SLC25A26: variants seen among roughly 807,000 people sequenced by gnomAD.
SLC25A26 encodes the protein solute carrier family 25 member 26, also known as mitochondrial S-adenosylmethionine carrier protein.
SLC25A26 carries 36 observed loss-of-function variants against 37.8 expected under a neutral mutation model. The ratio of observed to expected loss-of-function variants is 0.95; its 90% confidence interval spans 0.73 to 1.26. The LOEUF (loss-of-function observed/expected upper bound fraction) is 1.26, where lower values mean the gene tolerates loss of function less well. SLC25A26 is among the 50% of genes most tolerant of loss of function. SLC25A26 has a pLI of 0.00. For synonymous variants in SLC25A26, 129 were observed against 122.5 expected, an observed-to-expected ratio of 1.05 and a Z score of -0.35; for missense variants, 390 against 331.1, an observed-to-expected ratio of 1.18 and a Z score of -1.38.
At chr3:66,192,055 G>A (rs971699534) in intron 1 of SLC25A26, among the ~76,000 whole-genome samples, 70 of 152,106 alleles carry the variant, frequency 4.6e-4, no homozygotes, top group East Asian at 4.1e-3. Context: ...AATGGCTCAC[G>A]CCTGTAATCC....
chr3:66,265,542 A>G (rs1303917885), intron 5 of SLC25A26, among the ~76,000 whole-genome samples: 1 of 152,242 alleles, frequency 6.6e-6, no homozygotes, highest in African/African-American at 2.4e-5. Context: ...ATACTGAAAC[A>G]TAATAGTTAA....
Position 66,377,911 on chromosome 3 carries a change from C to T in SLC25A26, c.*104C>T. The T allele has an allele frequency of 5.8e-6, 5 of 861,118 alleles. No homozygotes were observed. The highest frequency in any genetic ancestry group is 7.6e-6 in the Non-Finnish European group (4 of 527,828). The allele number at this position is 861,118 out of a possible 1,614,324, so 53.3% of individuals were successfully genotyped here. ...GAACTATAGGCCCCAGTGCTGAAGA[C>T]CAGTTGTGCTAAGATACCGGCATGG... On this transcript the variant is annotated 3_prime_UTR_variant, in exon 10 of 10. Coordinates refer to ENST00000354883, the MANE Select transcript of SLC25A26 (RefSeq NM_001379210.1).
chr3:66,280,727 CGT>C (rs1388104816), intron 5 of SLC25A26, among the ~76,000 whole-genome samples: 1 of 151,936 alleles, frequency 6.6e-6, no homozygotes, highest in East Asian at 1.9e-4. Flanking sequence ...AAAGGTAAAA[CGT>C]GTATTTTTTT....
intron 1 of SLC25A26, among the ~76,000 whole-genome samples, chr3:66,151,497 CTA>C (rs2070208035): frequency 6.6e-6 from 1 of 152,196 alleles, no homozygotes; most frequent in African/African-American, 2.4e-5. Context: ...AAAAATAACT[CTA>C]ACTTGGCTTG....
intron 5 of SLC25A26, among the ~76,000 whole-genome samples, chr3:66,291,339 C>T (rs1385059334): frequency 1.3e-5 from 2 of 151,924 alleles, no homozygotes; most frequent in Non-Finnish European, 2.9e-5. Flanking sequence ...TATTTCTTGT[C>T]TTCTGCTAGC....
chr3:66,174,383 G>T (rs2070543905), intron 1 of SLC25A26, among the ~76,000 whole-genome samples: 1 of 152,162 alleles, frequency 6.6e-6, no homozygotes. Flanking sequence ...TTACTCATTT[G>T]ACAAGGCTCT....
chr3:66,354,286 A>T (rs2076525942), intron 6 of SLC25A26, among the ~76,000 whole-genome samples: 1 of 152,154 alleles, frequency 6.6e-6, no homozygotes, highest in South Asian at 2.1e-4. Context: ...CAATAGCTAG[A>T]TGAGATGTAA....
chr3:66,338,400 C>G (rs1255647915), intron 5 of SLC25A26, among the ~76,000 whole-genome samples: 1 of 151,934 alleles, frequency 6.6e-6, no homozygotes, highest in African/African-American at 2.4e-5. Flanking sequence ...TTCCCACTAG[C>G]AAAGTATGAA....
intron 1 of SLC25A26, among the ~76,000 whole-genome samples, chr3:66,177,231 T>C (rs1177053142): frequency 4.6e-5 from 7 of 152,238 alleles, no homozygotes; most frequent in Non-Finnish European, 1.0e-4. Flanking sequence ...AGCTGACATG[T>C]TCTCTGCCCT....
chr3:66,342,507 T>C (rs2076232202), intron 5 of SLC25A26, among the ~76,000 whole-genome samples: 1 of 152,244 alleles, frequency 6.6e-6, no homozygotes, highest in Non-Finnish European at 1.5e-5. Context: ...TCTTCAGTTG[T>C]ATTCTAAATC....
intron 5 of SLC25A26, among the ~76,000 whole-genome samples, chr3:66,309,453 T>C (rs1442138853): frequency 2.0e-5 from 3 of 151,542 alleles, no homozygotes; most frequent in Non-Finnish European, 4.4e-5. Flanking sequence ...AAAAACCAGC[T>C]CCTGGATTCA....
chr3:66,356,259 G>T (rs1002394050), intron 6 of SLC25A26, among the ~76,000 whole-genome samples: 1 of 152,150 alleles, frequency 6.6e-6, no homozygotes, highest in Admixed American at 6.5e-5. Context: ...TCATAGTATT[G>T]TGCCTGGTGT....
At chr3:66,351,187 C>T (rs1055066746) in intron 6 of SLC25A26, among the ~76,000 whole-genome samples, 3 of 152,126 alleles carry the variant, frequency 2.0e-5, no homozygotes, top group African/African-American at 7.2e-5. Flanking sequence ...GCACCCAACT[C>T]GTTGATAACT....
At chr3:66,170,495 G>T (rs1371973142) in intron 1 of SLC25A26, among the ~76,000 whole-genome samples, 4 of 152,132 alleles carry the variant, frequency 2.6e-5, no homozygotes, top group African/African-American at 9.7e-5. Flanking sequence ...AGAGCGCATG[G>T]TACTATATGC....
At chr3:66,274,916 A>G (rs1211046025) in intron 5 of SLC25A26, among the ~76,000 whole-genome samples, 4 of 152,108 alleles carry the variant, frequency 2.6e-5, no homozygotes, top group African/African-American at 7.2e-5. Context: ...TACCCAAAGG[A>G]CTATAAATCA....
intron 6 of SLC25A26, among the ~76,000 whole-genome samples, chr3:66,348,173 A>G (rs1292699458): frequency 6.6e-6 from 1 of 152,210 alleles, no homozygotes; most frequent in African/African-American, 2.4e-5. Flanking sequence ...AAAAGCCTAC[A>G]TTCAAAACAT....
At chr3:66,187,507 C>T (rs1346811560) in intron 1 of SLC25A26, among the ~76,000 whole-genome samples, 1 of 152,026 alleles carries the variant, frequency 6.6e-6, no homozygotes, top group Non-Finnish European at 1.5e-5. Flanking sequence ...GATAGTGACT[C>T]ACACAAAGAC....
chr3:66,167,228 C>G (rs1374936687), intron 1 of SLC25A26, among the ~76,000 whole-genome samples: 2 of 152,170 alleles, frequency 1.3e-5, no homozygotes, highest in African/African-American at 4.8e-5. Context: ...GGGTACATGG[C>G]CAAAGTAGGG....
intron 1 of SLC25A26, among the ~76,000 whole-genome samples, chr3:66,181,401 A>AGATTGTT (rs1360347845): frequency 6.6e-6 from 1 of 152,174 alleles, no homozygotes; most frequent in Admixed American, 6.5e-5. Context: ...TATATCTGCA[A>AGATTGTT]GATTGTTGTG....
Sources: gnomAD v4.1 joint callset for allele counts (sites outside exome capture counted in the v4.1 genomes callset) on GRCh38, gnomAD v4.1.1 for gene constraint, MANE v1.5 for transcripts, NCBI Gene and HGNC (gene_info 2026-07-23, HGNC 2026-07-21) for gene names.